ADARB2: variants seen among roughly 807,000 people sequenced by gnomAD.
ADARB2 encodes the protein adenosine deaminase RNA specific B2 (inactive).
A neutral mutation model predicts 62.2 loss-of-function variants in ADARB2; 25 were observed. The ratio of observed to expected loss-of-function variants is 0.40; its 90% confidence interval spans 0.29 to 0.56. The LOEUF (loss-of-function observed/expected upper bound fraction) is 0.56, where lower values mean the gene tolerates loss of function less well. Among genes scored for constraint, ADARB2 ranks in the 20% least tolerant of loss-of-function variants. The pLI, the probability that ADARB2 is intolerant of heterozygous loss-of-function variation, is 0.43. For missense variants in ADARB2, 1,071 were observed against 1,077.4 expected (o/e 0.99, Z 0.08); for synonymous variants, 572 against 500.8 (o/e 1.14, Z -1.90).
chr10:1,341,734 C>T (rs187724614), intron 3 of ADARB2, among the ~76,000 whole-genome samples: 77 of 151,212 alleles, frequency 5.1e-4, no homozygotes, highest in Admixed American at 8.6e-4. Context: ...TGCCCCACAG[C>T]GGCGATAACC....
At chr10:1,373,412 C>A (rs886234786) in intron 2 of ADARB2, among the ~76,000 whole-genome samples, 3 of 152,162 alleles carry the variant, frequency 2.0e-5, no homozygotes, top group African/African-American at 4.8e-5. Flanking sequence ...TTCTTACCAA[C>A]CCCTGGAGGG....
At chr10:1,522,713 C>T (rs945108227) in intron 1 of ADARB2, among the ~76,000 whole-genome samples, 5 of 152,312 alleles carry the variant, frequency 3.3e-5, no homozygotes, top group South Asian at 2.1e-4. Context: ...CCCGTTTATA[C>T]GTTAGTTATT....
chr10:1,718,189 C>T (rs188691898), intron 1 of ADARB2, among the ~76,000 whole-genome samples: 5 of 152,214 alleles, frequency 3.3e-5, no homozygotes, highest in African/African-American at 9.6e-5. Flanking sequence ...ATGGCCGGGG[C>T]AGAAACTGAA....
chr10:1,260,609 C>G (rs1361905065), intron 4 of ADARB2, among the ~76,000 whole-genome samples: 1 of 151,848 alleles, frequency 6.6e-6, no homozygotes, highest in Non-Finnish European at 1.5e-5. Context: ...TGTGAAGGAC[C>G]TCTTCAAGGA....
At chr10:1,615,864 T>A (rs768022265) in intron 1 of ADARB2, among the ~76,000 whole-genome samples, 2 of 152,236 alleles carry the variant, frequency 1.3e-5, no homozygotes, top group Non-Finnish European at 2.9e-5. Flanking sequence ...GCAGCAACAC[T>A]GTGTTGTAAA....
At chr10:1,492,266 C>G (rs1381620173) in intron 1 of ADARB2, among the ~76,000 whole-genome samples, 1 of 152,096 alleles carries the variant, frequency 6.6e-6, no homozygotes, top group Non-Finnish European at 1.5e-5. Context: ...GGTGTCCCAC[C>G]CAGAAAATAC....
At chr10:1,673,636 C>T (rs1282166140) in intron 1 of ADARB2, among the ~76,000 whole-genome samples, 2 of 152,152 alleles carry the variant, frequency 1.3e-5, no homozygotes, top group African/African-American at 4.8e-5. Context: ...GAAAAATGAA[C>T]ACTGAGCACT....
intron 2 of ADARB2, 76 bp downstream of exon 2, chr10:1,378,998 T>G: frequency 1.5e-5 from 19 of 1,251,724 alleles, no homozygotes; most frequent in South Asian, 2.4e-5. Context: ...GTATCTCAGG[T>G]TTTGGGGACT....
chr10:1,657,387 T>C (rs963340101), intron 1 of ADARB2, among the ~76,000 whole-genome samples: 1 of 145,642 alleles, frequency 6.9e-6, no homozygotes, highest in Non-Finnish European at 1.5e-5. Flanking sequence ...TGATAAATCA[T>C]ATTTTTTTAT....
chr10:1,604,137 T>C (rs750847109), intron 1 of ADARB2, among the ~76,000 whole-genome samples: 11 of 152,150 alleles, frequency 7.2e-5, no homozygotes, highest in Non-Finnish European at 1.5e-4. Flanking sequence ...ATCTAGTCAA[T>C]ACTCAGTCAT....
intron 1 of ADARB2, among the ~76,000 whole-genome samples, chr10:1,724,178 C>T (rs1006291274): frequency 1.3e-5 from 2 of 152,136 alleles, no homozygotes; most frequent in African/African-American, 4.8e-5. Flanking sequence ...AGCGTGCAGC[C>T]AAGATTAAAA....
At position 1,242,426 on chromosome 10, in the gene ADARB2, G is replaced by C. The variant is rs561462024; in HGVS notation, c.1193-127C>G. The C allele has an allele frequency of 2.3e-5, 29 of 1,265,472 alleles. No homozygotes were observed. In the East Asian group the frequency reaches 7.0e-4, roughly 30 times the overall value. 78.4% of individuals were successfully genotyped at this position (1,265,472 alleles called of 1,614,324 possible). A position where few individuals can be genotyped will look rare whatever the true frequency, so the allele number is the denominator to read the frequency against. On this transcript the variant is annotated intron_variant, in intron 4 of 9. Transcript: ENST00000381312. ...AAACCTTGGAAACACTGCGTTTTGA[G>C]AGCTGGGAAGCGAGGCTTCTGTGTG...
At chr10:1,226,038 C>T (rs1830742569) in intron 6 of ADARB2, among the ~76,000 whole-genome samples, 2 of 152,222 alleles carry the variant, frequency 1.3e-5, no homozygotes, top group Admixed American at 1.3e-4. Flanking sequence ...CCATCACTTT[C>T]AGGTACACCA....
chr10:1,685,701 G>A (rs1280740437), intron 1 of ADARB2, among the ~76,000 whole-genome samples: 1 of 152,232 alleles, frequency 6.6e-6, no homozygotes, highest in East Asian at 1.9e-4. Context: ...CGACGCAGGA[G>A]GGACTCAGAT....
At chr10:1,627,392 A>T (rs1402907264) in intron 1 of ADARB2, among the ~76,000 whole-genome samples, 4 of 152,028 alleles carry the variant, frequency 2.6e-5, no homozygotes, top group Non-Finnish European at 5.9e-5. Flanking sequence ...TTTCTATCTT[A>T]ATTTTTTTTC....
At chr10:1,418,772 C>T (rs189678912) in intron 1 of ADARB2, among the ~76,000 whole-genome samples, 1,638 of 152,124 alleles carry the variant, frequency 0.011, 39 homozygotes, top group African/African-American at 0.037. Flanking sequence ...AGTGAGCATT[C>T]CAAAGTTCAG....
At chr10:1,714,775 G>A (rs995250222) in intron 1 of ADARB2, among the ~76,000 whole-genome samples, 11 of 152,218 alleles carry the variant, frequency 7.2e-5, no homozygotes, top group African/African-American at 2.7e-4. Flanking sequence ...GTATTTTATA[G>A]CTGATTCTCA....
At chr10:1,669,058 T>C (rs1190265910) in intron 1 of ADARB2, among the ~76,000 whole-genome samples, 1 of 152,118 alleles carries the variant, frequency 6.6e-6, no homozygotes, top group East Asian at 1.9e-4. Context: ...GAATTACAAA[T>C]GGAGAGGACA....
At chr10:1,327,867 TC>T (rs1831888410) in intron 3 of ADARB2, among the ~76,000 whole-genome samples, 1 of 147,374 alleles carries the variant, frequency 6.8e-6, no homozygotes, top group African/African-American at 2.6e-5. Flanking sequence ...GCTCAGCGCC[TC>T]CTCACAGCTC....
Sources: allele counts gnomAD v4.1 joint callset (sites outside exome capture counted in the v4.1 genomes callset), GRCh38; gene constraint gnomAD v4.1.1; transcripts MANE v1.5; gene names NCBI Gene and HGNC (gene_info 2026-07-23, HGNC 2026-07-21).